The following OTUD7A variants were observed in gnomAD, a reference collection of about 807,000 sequenced individuals.
OTUD7A encodes the protein OTU deubiquitinase 7A.
In OTUD7A, 12 loss-of-function variants were observed where a neutral mutation model predicts 65.7. The observed-to-expected ratio is 0.18, with a 90% CI of 0.12 to 0.30. The LOEUF is 0.30. Ranked by LOEUF, OTUD7A falls within the 10% of genes least tolerant of loss-of-function variation. OTUD7A has a pLI of 1.00. For missense variants in OTUD7A, 1,148 were observed against 1,304.8 expected, an observed-to-expected ratio of 0.88 and a Z score of 1.85; for synonymous variants, 641 against 586.3, an observed-to-expected ratio of 1.09 and a Z score of -1.35.
In OTUD7A at chr15:31,808,136, C is replaced by CACACACACA. The variant is rs772574742; in HGVS notation, c.-100+62370_-100+62371insTGTGTGTGT. On this transcript the variant is annotated intron_variant, in intron 1 of 12. Transcript: ENST00000307050. ...ACACACACACACACACACACACACA[C>CACACACACA]AAACAAATCCTCACCAGGTTTTTCC... Among the ~76,000 whole-genome samples the CACACACACA allele has an allele frequency of 8.9e-4, 106 of 119,508 alleles. 1 individual carries two copies. Among genetic ancestry groups the CACACACACA allele is most frequent in the African/African-American group, 2.7e-3 (97 of 35,734 alleles). The allele number at this position is 119,508 out of a possible 152,430, so 78.4% of individuals were successfully genotyped here. A position where few individuals can be genotyped will look rare whatever the true frequency, so the allele number is the denominator to read the frequency against.
At chr15:31,814,093 A>AGTAT (rs1896489768) in intron 1 of OTUD7A, among the ~76,000 whole-genome samples, 1 of 152,252 alleles carries the variant, frequency 6.6e-6, no homozygotes, top group Non-Finnish European at 1.5e-5. Flanking sequence ...AGTAGCTCAT[A>AGTAT]CCCACAACAG....
chr15:31,680,894 T>G (rs895090633), intron 1 of OTUD7A, among the ~76,000 whole-genome samples: 2 of 151,174 alleles, frequency 1.3e-5, no homozygotes, highest in Non-Finnish European at 2.9e-5. Context: ...TCTTCAAGTG[T>G]GGTCTTTAGG....
intron 5 of OTUD7A, among the ~76,000 whole-genome samples, chr15:31,544,933 G>A (rs1888086850): frequency 6.6e-6 from 1 of 151,342 alleles, no homozygotes; most frequent in Non-Finnish European, 1.5e-5. Flanking sequence ...TAAAATGTCT[G>A]AATTCATTCA....
intron 5 of OTUD7A, among the ~76,000 whole-genome samples, chr15:31,549,682 CG>C (rs1888255120): frequency 6.6e-6 from 1 of 151,938 alleles, no homozygotes; most frequent in Non-Finnish European, 1.5e-5. Context: ...AAAGGGAATA[CG>C]GAAGAGGGAA....
intron 6 of OTUD7A, among the ~76,000 whole-genome samples, chr15:31,530,080 G>A (rs1029186972): frequency 2.6e-5 from 4 of 152,142 alleles, no homozygotes; most frequent in African/African-American, 7.2e-5. Flanking sequence ...GGAAGCTCAC[G>A]TCTCTATTGG....
intron 1 of OTUD7A, among the ~76,000 whole-genome samples, chr15:31,843,671 T>G (rs1291691204): frequency 6.6e-6 from 1 of 151,978 alleles, no homozygotes; most frequent in Non-Finnish European, 1.5e-5. Context: ...ACAGTCATTG[T>G]TTTTGGTCTG....
chr15:31,768,336 G>A, intron 1 of OTUD7A: 1 of 597,660 alleles, frequency 1.7e-6, no homozygotes, highest in Non-Finnish European at 3.0e-6. Flanking sequence ...TGCGTGGATT[G>A]GCCTCACAAT....
At chr15:31,765,146 G>T (rs1727882880) in intron 1 of OTUD7A, among the ~76,000 whole-genome samples, 1 of 151,750 alleles carries the variant, frequency 6.6e-6, no homozygotes, top group African/African-American at 2.4e-5. Context: ...TATATATATT[G>T]AACAAATGAA....
chr15:31,513,978 T>C (rs2041802491), intron 8 of OTUD7A, among the ~76,000 whole-genome samples: 1 of 152,166 alleles, frequency 6.6e-6, no homozygotes, highest in African/African-American at 2.4e-5. Flanking sequence ...ATGTGGTCAG[T>C]GTGGCTTCTC....
intron 3 of OTUD7A, 49 bp from the exon 4 acceptor site, chr15:31,570,246 G>A (rs761558091): frequency 1.3e-6 from 2 of 1,573,278 alleles, no homozygotes; most frequent in African/African-American, 1.3e-5. Flanking sequence ...CATGAATAAC[G>A]GTCTCATCAT....
At chr15:31,763,974 G>T (rs1217811669) in intron 1 of OTUD7A, among the ~76,000 whole-genome samples, 1 of 152,192 alleles carries the variant, frequency 6.6e-6, no homozygotes, top group Non-Finnish European at 1.5e-5. Context: ...GATATTCTCA[G>T]ATGAAAGAAA....
intron 1 of OTUD7A, among the ~76,000 whole-genome samples, chr15:31,744,414 C>T (rs1028166235): frequency 6.6e-6 from 1 of 151,782 alleles, no homozygotes; most frequent in African/African-American, 2.4e-5. Flanking sequence ...AGAGTGTATC[C>T]CAAGAACATA....
At chr15:31,845,001 G>A (rs966714281) in intron 1 of OTUD7A, among the ~76,000 whole-genome samples, 2 of 152,152 alleles carry the variant, frequency 1.3e-5, no homozygotes, top group African/African-American at 4.8e-5. Flanking sequence ...GCTACCCCCA[G>A]CAAACAGAGA....
intron 1 of OTUD7A, among the ~76,000 whole-genome samples, chr15:31,860,186 T>G (rs1381542825): frequency 6.6e-6 from 1 of 152,208 alleles, no homozygotes. Context: ...AATTCTTCTT[T>G]GAACTCACAC....
At chr15:31,531,122 C>T (rs1887607979) in intron 5 of OTUD7A, among the ~76,000 whole-genome samples, 1 of 152,142 alleles carries the variant, frequency 6.6e-6, no homozygotes, top group Non-Finnish European at 1.5e-5. Context: ...CACAGCTTTC[C>T]CTCCTGAAAG....
intron 3 of OTUD7A, among the ~76,000 whole-genome samples, chr15:31,610,526 A>G (rs1214052742): frequency 6.7e-6 from 1 of 149,248 alleles, no homozygotes; most frequent in Non-Finnish European, 1.5e-5. Context: ...AGCACATGGG[A>G]CTTTCTCCAA....
intron 1 of OTUD7A, among the ~76,000 whole-genome samples, chr15:31,679,198 T>C (rs539499416): frequency 6.6e-6 from 1 of 152,374 alleles, no homozygotes; most frequent in South Asian, 2.1e-4. Context: ...ACCCCCATTG[T>C]ATCTAGGAAG....
chr15:31,500,640 C>A (rs1000524396), intron 10 of OTUD7A, among the ~76,000 whole-genome samples: 1 of 152,244 alleles, frequency 6.6e-6, no homozygotes, highest in Non-Finnish European at 1.5e-5. Flanking sequence ...CAGCTGTCTA[C>A]AGGAAGGAGT....
At chr15:31,802,159 A>G (rs985514424) in intron 1 of OTUD7A, among the ~76,000 whole-genome samples, 3 of 145,790 alleles carry the variant, frequency 2.1e-5, no homozygotes, top group African/African-American at 5.1e-5. Context: ...ATATATGTAA[A>G]GGGGAGTTTA....
Sources: allele counts gnomAD v4.1 joint callset (sites outside exome capture counted in the v4.1 genomes callset), GRCh38; gene constraint gnomAD v4.1.1; transcripts MANE v1.5; gene names NCBI Gene and HGNC (gene_info 2026-07-23, HGNC 2026-07-21).